ENTREP2: variants seen among roughly 807,000 people sequenced by gnomAD.
The protein encoded by ENTREP2 is protein ENTREP2.
chr15:29,223,964 T>G, the ENTREP2 span, among the ~76,000 whole-genome samples: 2 of 152,296 alleles, frequency 1.3e-5, no homozygotes, highest in East Asian at 3.9e-4. Context: ...TGAACACAGA[T>G]AGCTCCACCT....
chr15:29,524,487 C>A, the ENTREP2 span, among the ~76,000 whole-genome samples: 1 of 152,166 alleles, frequency 6.6e-6, no homozygotes. Flanking sequence ...TGGCAGCAAG[C>A]CTTTTGTTCT....
chr15:29,149,355 T>C, the ENTREP2 span, among the ~76,000 whole-genome samples: 1 of 152,356 alleles, frequency 6.6e-6, no homozygotes, highest in African/African-American at 2.4e-5. Context: ...CTAGAATATG[T>C]AATTACAACA....
At chr15:29,615,842 A>G in the ENTREP2 span, among the ~76,000 whole-genome samples, 2 of 152,160 alleles carry the variant, frequency 1.3e-5, no homozygotes, top group African/African-American at 2.4e-5. Context: ...CACTGTGCAG[A>G]TTGTCTTTCT....
chr15:29,480,366 A>AAAAAC, the ENTREP2 span, among the ~76,000 whole-genome samples: 1 of 138,490 alleles, frequency 7.2e-6, no homozygotes, highest in Admixed American at 7.3e-5. Context: ...AAAAAAAAAA[A>AAAAAC]CCCACAAATG....
At chr15:29,129,400 A>G in the ENTREP2 span, among the ~76,000 whole-genome samples, 1 of 152,154 alleles carries the variant, frequency 6.6e-6, no homozygotes, top group African/African-American at 2.4e-5. Context: ...GCAATCAGAG[A>G]GCCTGGCAGG....
the ENTREP2 span, among the ~76,000 whole-genome samples, chr15:29,175,121 C>G: frequency 6.6e-6 from 1 of 152,132 alleles, no homozygotes; most frequent in Non-Finnish European, 1.5e-5. Flanking sequence ...GTATGTATCA[C>G]TGCATATGGC....
the ENTREP2 span, among the ~76,000 whole-genome samples, chr15:29,402,784 T>G: frequency 1.3e-5 from 2 of 152,138 alleles, no homozygotes; most frequent in Non-Finnish European, 2.9e-5. Flanking sequence ...CTCCAGACAG[T>G]GAGATTTTGG....
At chr15:29,201,842 A>G in the ENTREP2 span, among the ~76,000 whole-genome samples, 1 of 152,224 alleles carries the variant, frequency 6.6e-6, no homozygotes, top group South Asian at 2.1e-4. Flanking sequence ...GAAATTGTGT[A>G]GAAATGGTAT....
chr15:29,634,638 G>A, the ENTREP2 span, among the ~76,000 whole-genome samples: 3 of 152,168 alleles, frequency 2.0e-5, no homozygotes, highest in Admixed American at 6.5e-5. Context: ...GATCCCAGAG[G>A]GTGAGGGCTC....
chr15:29,395,467 AT>A, the ENTREP2 span, among the ~76,000 whole-genome samples: 9 of 151,808 alleles, frequency 5.9e-5, no homozygotes, highest in East Asian at 1.7e-3. Flanking sequence ...TATGGCTATT[AT>A]TTTTATAATA....
At chr15:29,244,996 A>G in the ENTREP2 span, among the ~76,000 whole-genome samples, 1 of 152,236 alleles carries the variant, frequency 6.6e-6, no homozygotes, top group Non-Finnish European at 1.5e-5. Flanking sequence ...AGTTTTAGCC[A>G]CAGCAACTAC....
the ENTREP2 span, among the ~76,000 whole-genome samples, chr15:29,314,541 A>G: frequency 2.0e-5 from 3 of 152,236 alleles, no homozygotes; most frequent in Non-Finnish European, 2.9e-5. Flanking sequence ...AGGTATATGT[A>G]TAATTTTTTT....
the ENTREP2 span, among the ~76,000 whole-genome samples, chr15:29,292,015 G>A: frequency 6.6e-6 from 1 of 152,216 alleles, no homozygotes; most frequent in Non-Finnish European, 1.5e-5. Flanking sequence ...CACAATCCAG[G>A]CTCCCATCTC....
At chr15:29,670,294 C>G in the ENTREP2 span, among the ~76,000 whole-genome samples, 1 of 152,242 alleles carries the variant, frequency 6.6e-6, no homozygotes, top group South Asian at 2.1e-4. Context: ...GTTCCAGAGG[C>G]AAGTCCACTC....
the ENTREP2 span, among the ~76,000 whole-genome samples, chr15:29,172,316 A>G: frequency 6.6e-6 from 1 of 152,218 alleles, no homozygotes; most frequent in Admixed American, 6.5e-5. Flanking sequence ...TTATCTTGCT[A>G]ACCACCATAT....
At chr15:29,443,249 C>T in the ENTREP2 span, among the ~76,000 whole-genome samples, 10 of 152,160 alleles carry the variant, frequency 6.6e-5, no homozygotes, top group African/African-American at 1.7e-4. Flanking sequence ...AGGAGGGGCC[C>T]TACAGCACCA....
At chr15:29,323,180 C>T in the ENTREP2 span, among the ~76,000 whole-genome samples, 2 of 152,284 alleles carry the variant, frequency 1.3e-5, no homozygotes, top group African/African-American at 4.8e-5. Flanking sequence ...TAACTGACAG[C>T]TTCAGGATGG....
the ENTREP2 span, among the ~76,000 whole-genome samples, chr15:29,389,393 G>C: frequency 6.6e-6 from 1 of 152,062 alleles, no homozygotes; most frequent in Non-Finnish European, 1.5e-5. Context: ...CTCTCCAGGA[G>C]GGGCAGCACA....
chr15:29,546,588 T>C, the ENTREP2 span, among the ~76,000 whole-genome samples: 1 of 152,074 alleles, frequency 6.6e-6, no homozygotes, highest in East Asian at 1.9e-4. Flanking sequence ...CTATCCTATA[T>C]ATAAACAGAT....
Sources: gnomAD v4.1 joint callset for allele counts (sites outside exome capture counted in the v4.1 genomes callset) on GRCh38, gnomAD v4.1.1 for gene constraint, MANE v1.5 for transcripts, NCBI Gene and HGNC (gene_info 2026-07-23, HGNC 2026-07-21) for gene names.